JAM2: variants seen among roughly 807,000 people sequenced by gnomAD.
JAM2 encodes junctional adhesion molecule B.
In JAM2, 17 loss-of-function variants were observed where a neutral mutation model predicts 42.0. That is an observed-to-expected ratio of 0.40 (90% CI 0.28 to 0.61). The LOEUF is 0.61. JAM2 is among the 20% of genes least tolerant of loss of function. The pLI, the probability that JAM2 is intolerant of heterozygous loss-of-function variation, is 0.37. For synonymous variants in JAM2, 118 were observed against 128.6 expected (o/e 0.92, Z 0.56); for missense variants, 319 against 358.3 (o/e 0.89, Z 0.89).
At chr21:25,671,072 C>T (rs1017942421) in intron 1 of JAM2, among the ~76,000 whole-genome samples, 1 of 152,192 alleles carries the variant, frequency 6.6e-6, no homozygotes, top group African/African-American at 2.4e-5. Flanking sequence ...TCACACAGCT[C>T]TCATATTTTA....
At chr21:25,644,627 A>G (rs2032549465) in intron 1 of JAM2, among the ~76,000 whole-genome samples, 2 of 152,216 alleles carry the variant, frequency 1.3e-5, no homozygotes, top group Admixed American at 6.5e-5. Flanking sequence ...ACTTTCATCC[A>G]TCTACAACTG....
At chr21:25,659,556 A>C (rs1450872402) in intron 1 of JAM2, among the ~76,000 whole-genome samples, 1 of 152,200 alleles carries the variant, frequency 6.6e-6, no homozygotes. Flanking sequence ...GATTCTTTCA[A>C]AATGTTGAGT....
intron 7 of JAM2, among the ~76,000 whole-genome samples, chr21:25,709,019 T>C (rs921516734): frequency 2.6e-5 from 4 of 152,068 alleles, no homozygotes; most frequent in Admixed American, 6.6e-5. Flanking sequence ...CAGATGAACA[T>C]TTACAATCTA....
Position 25,639,736 on chromosome 21 carries a change from C to G in JAM2, c.-86C>G, listed in dbSNP as rs1600978237. The G allele has an allele frequency of 7.3e-6, 6 of 825,346 alleles. No homozygotes were observed. The East Asian group carries it at 1.8e-4, about 24-fold the overall frequency. 51.1% of individuals were successfully genotyped at this position (825,346 alleles called of 1,614,324 possible). A position where few individuals can be genotyped will look rare whatever the true frequency, so the allele number is the denominator to read the frequency against. ...CCGACTCTCTGCTCCTTTCCCGCCC[C>G]AGAAGTTCAAGGGCCCCCGGCCTCC... On this transcript the variant is annotated 5_prime_UTR_variant, in exon 1 of 10. Coordinates refer to ENST00000480456, the MANE Select transcript of JAM2 (RefSeq NM_021219.4).
At chr21:25,684,593 T>G (rs1331907460) in intron 2 of JAM2, among the ~76,000 whole-genome samples, 1 of 152,138 alleles carries the variant, frequency 6.6e-6, no homozygotes, top group Non-Finnish European at 1.5e-5. Context: ...TTGTTGTTGT[T>G]GTTGTTTTGT....
At chr21:25,690,253 G>A (rs889446445) in intron 3 of JAM2, among the ~76,000 whole-genome samples, 7 of 152,018 alleles carry the variant, frequency 4.6e-5, no homozygotes, top group South Asian at 4.1e-4. Flanking sequence ...ATTAAACTCC[G>A]TTCCTTCCTT....
rs1358406093 is a variant in JAM2, at chr21:25,693,789, T to C, written c.275T>C (p.Phe92Ser). 7 of 1,613,982 alleles carry C rather than the reference T, an allele frequency of 4.3e-6. No homozygotes were observed. Among genetic ancestry groups the C allele is most frequent in the Admixed American group, 1.7e-5 (1 of 60,004 alleles). Residue 92 changes from phenylalanine (F) to serine (S), a missense_variant, in exon 4 of 10, where the codon TTC becomes TCC. Physicochemically the swap from Phe to Ser is radical, Grantham distance 155. Coordinates refer to ENST00000480456, the MANE Select transcript of JAM2 (RefSeq NM_021219.4). The stretch of plus-strand genomic sequence containing the variant: ...AAAAATCGAGCTGAGATGATAGATT[T>C]CAATATCCGGATCAAAAATGTGACA... ...DFKNRAEMID[F>S]NIRIKNVTRS...
chr21:25,689,722 C>T lies in JAM2; in HGVS notation c.134-144C>T, dbSNP rs546018277. On this transcript the variant is annotated intron_variant, in intron 2 of 9. Transcript: ENST00000480456. ...GCTAGAAGGCTTCCAATTCATGGGACCTGTTGATGTAATTTATGAATGAAT... is the reference window on the plus strand; with the variant it reads ...GCTAGAAGGCTTCCAATTCATGGGATCTGTTGATGTAATTTATGAATGAAT... 2.1e-5 allele frequency: 12 copies of T among 576,618 alleles called. No individual in the cohort carries two copies. The Admixed American group carries it at 2.9e-4, about 14-fold the overall frequency. 35.7% of individuals were successfully genotyped at this position (576,618 alleles called of 1,614,324 possible). A position where few individuals can be genotyped will look rare whatever the true frequency, so the allele number is the denominator to read the frequency against.
At chr21:25,655,350 A>ATTTTTTTTTTTTTTTTTTTTTTT (rs751257378) in intron 1 of JAM2, among the ~76,000 whole-genome samples, 1 of 100,238 alleles carries the variant, frequency 1.0e-5, no homozygotes, top group African/African-American at 3.9e-5. Flanking sequence ...CTGAAATTCT[A>ATTTTTTTTTTTTTTTTTTTTTTT]TTTTTTTTTT....
intron 1 of JAM2, among the ~76,000 whole-genome samples, chr21:25,675,350 A>G (rs28507219): frequency 0.37 from 56,637 of 151,702 alleles, 10,755 homozygotes; most frequent in East Asian, 0.5. Flanking sequence ...ACAAAAATTC[A>G]CAGGACATGG....
intron 8 of JAM2, chr21:25,710,056 A>G (rs2034350897): frequency 6.6e-6 from 1 of 152,210 alleles, no homozygotes; most frequent in Admixed American, 6.5e-5. Context: ...ATGGTAGTAC[A>G]GAGAGAATGA....
intron 1 of JAM2, among the ~76,000 whole-genome samples, chr21:25,666,026 T>A (rs2033210694): frequency 6.6e-6 from 1 of 151,774 alleles, no homozygotes; most frequent in Admixed American, 6.6e-5. Flanking sequence ...GGTGATAGAG[T>A]GAGACACCAT....
chr21:25,662,433 A>G (rs1010617013), intron 1 of JAM2, among the ~76,000 whole-genome samples: 7 of 176 alleles, frequency 0.04, no homozygotes, highest in Non-Finnish European at 0.059. Flanking sequence ...TACAGGCGTG[A>G]GCACTGTGAC....
At chr21:25,658,329 A>G (rs1479775028) in intron 1 of JAM2, among the ~76,000 whole-genome samples, 1 of 152,170 alleles carries the variant, frequency 6.6e-6, no homozygotes, top group Admixed American at 6.5e-5. Flanking sequence ...ATTTATATAT[A>G]TATATTTCAG....
At chr21:25,713,575 G>A (rs559803547) in intron 9 of JAM2, among the ~76,000 whole-genome samples, 7 of 150,470 alleles carry the variant, frequency 4.7e-5, no homozygotes, top group African/African-American at 4.9e-5. Context: ...GGGGTGGGGC[G>A]GGGGAGCCTG....
intron 6 of JAM2, among the ~76,000 whole-genome samples, chr21:25,704,361 C>T (rs998932224): frequency 2.4e-4 from 36 of 152,162 alleles, no homozygotes; most frequent in African/African-American, 7.9e-4. Flanking sequence ...AAAGACTTAT[C>T]AAGTTTTCTT....
chr21:25,697,011 T>A (rs1378789829), intron 4 of JAM2, among the ~76,000 whole-genome samples: 1 of 150,948 alleles, frequency 6.6e-6, no homozygotes, highest in Non-Finnish European at 1.5e-5. Context: ...ACACCTATTT[T>A]TTTTTTTTTT....
At chr21:25,711,580 A>G (rs998966990) in intron 8 of JAM2, 4 of 339,616 alleles carry the variant, frequency 1.2e-5, no homozygotes, top group South Asian at 4.6e-5. Context: ...TAAGATCCTA[A>G]TACAAGTCTA....
intron 8 of JAM2, 182 bp from the exon 9 acceptor site, chr21:25,712,158 C>G (rs2123421575): frequency 3.2e-6 from 2 of 628,426 alleles, no homozygotes; most frequent in South Asian, 3.3e-5. Flanking sequence ...GCATGACTTT[C>G]TCTGTGAATA....
Sources: gnomAD v4.1 joint callset for allele counts (sites outside exome capture counted in the v4.1 genomes callset) on GRCh38, gnomAD v4.1.1 for gene constraint, MANE v1.5 for transcripts, NCBI Gene and HGNC (gene_info 2026-07-23, HGNC 2026-07-21) for gene names.